CDH4: variants seen among roughly 807,000 people sequenced by gnomAD.
CDH4 encodes the protein cadherin-4.
A neutral mutation model predicts 86.0 loss-of-function variants in CDH4; 33 were observed. That is an observed-to-expected ratio of 0.38 (90% CI 0.29 to 0.51). The LOEUF is 0.51. Ranked by LOEUF, CDH4 falls within the 20% of genes least tolerant of loss-of-function variation. The pLI, the probability that CDH4 is intolerant of heterozygous loss-of-function variation, is 0.86. For synonymous variants in CDH4, 555 were observed against 549.4 expected, an observed-to-expected ratio of 1.01 and a Z score of -0.14; for missense variants, 1,114 against 1,307.4, an observed-to-expected ratio of 0.85 and a Z score of 2.28.
chr20:61,452,754 G>A (rs1013596829), intron 2 of CDH4, among the ~76,000 whole-genome samples: 2 of 152,156 alleles, frequency 1.3e-5, no homozygotes, highest in African/African-American at 4.8e-5. Context: ...TAAAGGCCTT[G>A]CAGGCCTTGT....
chr20:61,656,263 AGGCGCG>A (rs2087187181), intron 2 of CDH4, among the ~76,000 whole-genome samples: 7 of 110,002 alleles, frequency 6.4e-5, no homozygotes, highest in Non-Finnish European at 9.2e-5. Context: ...TGGGGTGGGC[AGGCGCG>A]TGCTGGGGTG....
At position 61,769,735 on chromosome 20, in the gene CDH4, T is replaced by A. The variant is rs192476287; in HGVS notation, c.397-3268T>A. Among the ~76,000 whole-genome samples, 5 of 152,294 alleles carry A rather than the reference T, an allele frequency of 3.3e-5. No homozygotes were observed. In the East Asian group the frequency reaches 9.7e-4, roughly 29 times the overall value. ...TATGGGGAGACTACCTGGAACAGCA[T>A]TTGGCCTGGAGCCTGGAACCTGAGT... is the stretch of plus-strand genomic sequence containing the variant. On this transcript the variant is annotated intron_variant, in intron 3 of 15. Transcript: ENST00000614565.
chr20:61,783,810 A>G (rs1313882326), intron 4 of CDH4, among the ~76,000 whole-genome samples: 25 of 63,078 alleles, frequency 4.0e-4, no homozygotes, highest in African/African-American at 9.1e-4. Flanking sequence ...TTGTGCCCCC[A>G]AGAGAAATGT....
At chr20:61,735,706 G>A (rs995592832) in intron 2 of CDH4, among the ~76,000 whole-genome samples, 20 of 152,226 alleles carry the variant, frequency 1.3e-4, no homozygotes, top group African/African-American at 4.6e-4. Context: ...CGTGGCTAAC[G>A]GGTCTTTGCT....
rs145753158 is a variant in CDH4, at chr20:61,755,403, C to T, written c.396+11614C>T. On this transcript the variant is annotated intron_variant, in intron 3 of 15. Coordinates refer to ENST00000614565, the MANE Select transcript of CDH4 (RefSeq NM_001794.5). The stretch of plus-strand genomic sequence containing the variant: ...ACACACACACACGCCCCATGCACAC[C>T]ACACACACCATACACACAGTGCACG... Among the ~76,000 whole-genome samples the T allele has an allele frequency of 3.8e-3, 553 of 146,888 alleles. 1 individual carries two copies. Among genetic ancestry groups the T allele is most frequent in the African/African-American group, 0.013 (519 of 39,570 alleles).
At chr20:61,421,379 G>A (rs185061784) in intron 2 of CDH4, among the ~76,000 whole-genome samples, 5 of 152,360 alleles carry the variant, frequency 3.3e-5, no homozygotes, top group Middle Eastern at 3.4e-3. Context: ...AGGGACTCAC[G>A]TGAAGTGCAT....
intron 8 of CDH4, among the ~76,000 whole-genome samples, chr20:61,900,263 A>T (rs886162898): frequency 2.7e-4 from 41 of 152,022 alleles, no homozygotes; most frequent in African/African-American, 9.7e-4. Flanking sequence ...GTTCCTGAGC[A>T]CAGGAATTTG....
chr20:61,804,052 G>A (rs1409379489), intron 4 of CDH4, among the ~76,000 whole-genome samples: 1 of 152,252 alleles, frequency 6.6e-6, no homozygotes, highest in Admixed American at 6.5e-5. Flanking sequence ...AGAGAGAGGC[G>A]CCTGCTCTCC....
chr20:61,720,299 T>A (rs1476386435), intron 2 of CDH4, among the ~76,000 whole-genome samples: 3 of 152,154 alleles, frequency 2.0e-5, no homozygotes, highest in Non-Finnish European at 2.9e-5. Flanking sequence ...CCCATCCTGC[T>A]CCGGATTCCA....
intron 8 of CDH4, among the ~76,000 whole-genome samples, chr20:61,899,648 T>G (rs186023611): frequency 2.0e-5 from 3 of 152,144 alleles, no homozygotes; most frequent in Non-Finnish European, 4.4e-5. Context: ...AGGATGGTCT[T>G]GATCTCCTGA....
chr20:61,679,747 G>C (rs534736851), intron 2 of CDH4, among the ~76,000 whole-genome samples: 1 of 152,330 alleles, frequency 6.6e-6, no homozygotes, highest in South Asian at 2.1e-4. Context: ...TGTAGCTCCC[G>C]ACTTAGGAAG....
intron 2 of CDH4, among the ~76,000 whole-genome samples, chr20:61,412,806 G>C (rs998392544): frequency 2.0e-5 from 3 of 152,170 alleles, no homozygotes; most frequent in African/African-American, 4.8e-5. Flanking sequence ...GAATGTTCTA[G>C]ATGGCCAGGC....
Position 61,754,685 on chromosome 20 carries a change from CCACA to C in CDH4, c.396+10903_396+10906del, listed in dbSNP as rs901696979. On this transcript the variant is annotated intron_variant, in intron 3 of 15. Coordinates refer to ENST00000614565, the MANE Select transcript of CDH4 (RefSeq NM_001794.5). This position sits in a 1 kb window ranked among gnomAD's most constrained non-coding sequence, Gnocchi z 4.7. The stretch of plus-strand genomic sequence containing the variant: ...ACACGCCCCGCACACACTATGCACA[CCACA>C]CACACAGTGCATGCCACACACACCG... Among the ~76,000 whole-genome samples, 1 of 150,024 alleles carries C rather than the reference CCACA, an allele frequency of 6.7e-6. No individual in the cohort carries two copies. The highest frequency in any genetic ancestry group is 2.1e-4 in the South Asian group (1 of 4,690).
Position 61,923,441 on chromosome 20 carries a change from G to A in CDH4, c.1375-10G>A. 6.2e-7 allele frequency: 1 copy of A among 1,613,808 alleles called. No individual in the cohort carries two copies. Among genetic ancestry groups the A allele is most frequent in the Non-Finnish European group, 8.5e-7 (1 of 1,179,778 alleles). ...GCCAGGTCACTCCCAGCCCTGATCTGTTGTTCCAGGCAGTCGACTACGAGC... is the reference window on the plus strand; with the variant it reads ...GCCAGGTCACTCCCAGCCCTGATCTATTGTTCCAGGCAGTCGACTACGAGC... On this transcript the variant is annotated splice_polypyrimidine_tract_variant and intron_variant, in intron 9 of 15. Coordinates refer to ENST00000614565, the MANE Select transcript of CDH4 (RefSeq NM_001794.5).
chr20:61,345,185 C>A (rs1242352232), intron 2 of CDH4, among the ~76,000 whole-genome samples: 1 of 152,202 alleles, frequency 6.6e-6, no homozygotes, highest in Non-Finnish European at 1.5e-5. Context: ...CGGGCCAGGC[C>A]CAGTGCGCCT....
chr20:61,644,155 TGGA>T (rs1217754405), intron 2 of CDH4, among the ~76,000 whole-genome samples: 1 of 152,254 alleles, frequency 6.6e-6, no homozygotes, highest in East Asian at 1.9e-4. Context: ...ATCAGGAGTG[TGGA>T]GGAGAGTTTC....
chr20:61,319,491 G>A (rs1198440905), intron 2 of CDH4, among the ~76,000 whole-genome samples: 1 of 152,160 alleles, frequency 6.6e-6, no homozygotes, highest in East Asian at 1.9e-4. Flanking sequence ...GCTGCAATGA[G>A]CACGGGCATG....
intron 3 of CDH4, among the ~76,000 whole-genome samples, chr20:61,763,012 C>G (rs752650145): frequency 3.0e-4 from 46 of 152,230 alleles, no homozygotes; most frequent in Non-Finnish European, 5.7e-4. Context: ...ATGCCATTTT[C>G]TCAACACTGT....
At chr20:61,468,037 G>T (rs1008437286) in intron 2 of CDH4, among the ~76,000 whole-genome samples, 1 of 152,186 alleles carries the variant, frequency 6.6e-6, no homozygotes, top group African/African-American at 2.4e-5. Context: ...CCCAGCACAG[G>T]GTGTGGCAGT....
Sources: gnomAD v4.1 joint callset for allele counts (sites outside exome capture counted in the v4.1 genomes callset) on GRCh38, gnomAD v4.1.1 for gene constraint, Gnocchi (gnomAD v3.1) non-coding constraint, MANE v1.5 for transcripts, NCBI Gene and HGNC (gene_info 2026-07-23, HGNC 2026-07-21) for gene names.